The following MROH2A variants were observed in gnomAD, a reference collection of about 807,000 sequenced individuals.
MROH2A encodes the protein maestro heat-like repeat-containing protein family member 2A.
MROH2A carries 174 observed loss-of-function variants against 200.4 expected under a neutral mutation model. The ratio of observed to expected loss-of-function variants is 0.87; its 90% CI spans 0.77 to 0.98. The LOEUF (loss-of-function observed/expected upper bound fraction) is 0.98. Ranked by LOEUF, MROH2A falls within the 50% of genes least tolerant of loss-of-function variation. The pLI is 0.00. For synonymous variants in MROH2A, 829 were observed against 840.4 expected, an observed-to-expected ratio of 0.99 and a Z score of 0.23; for missense variants, 2,045 against 2,139.6, an observed-to-expected ratio of 0.96 and a Z score of 0.87.
rs1272047454 is a variant in MROH2A, at chr2:233,828,630, T to G, written c.4114T>G (p.Phe1372Val). 9 of 1,550,652 alleles carry G rather than the reference T, an allele frequency of 5.8e-6. No homozygotes were observed. Among genetic ancestry groups the G allele is most frequent in the Non-Finnish European group, 7.8e-6 (9 of 1,146,948 alleles). The stretch of plus-strand genomic sequence containing the variant: ...AACTGCCCAATGTCCTCCCTTCCAG[T>G]TCATGAGCGGCCCAGTTCTGTACCA... Reference protein sequence around the residue: ...SCRISSTAVCFMSGPVLYQEK... With the variant: ...SCRISSTAVCVMSGPVLYQEK... Residue 1372 changes from phenylalanine to valine, a missense_variant and splice_region_variant, in exon 36 of 42, where the codon TTC becomes GTC. By Grantham distance (50) the Phe-to-Val change is conservative. Around this residue, in one of 3 missense-constraint regions of MROH2A, gnomAD observed 1,201 missense variants for 1,311.3 expected, o/e 0.92. Transcript: ENST00000389758. The surrounding 1 kb of genome is among the most constrained non-coding windows in gnomAD (Gnocchi z 4.6).
intron 22 of MROH2A, among the ~76,000 whole-genome samples, chr2:233,810,188 A>G (rs967144576): frequency 6.6e-6 from 1 of 152,122 alleles, no homozygotes; most frequent in Non-Finnish European, 1.5e-5. Context: ...GGAAGGTGGC[A>G]TCTTCCGTGG....
chr2:233,795,667 C>T lies in MROH2A; in HGVS notation c.981C>T (p.Ile327=). 2 of 1,551,062 alleles carry T rather than the reference C, an allele frequency of 1.3e-6. No individual in the cohort carries two copies. Among genetic ancestry groups the T allele is most frequent in the Non-Finnish European group, 1.7e-6 (2 of 1,147,032 alleles). ...ATCCACTGCAGGTCTTGAGGCAGAT[C>T]CTGGAACTGTCAGTCACCACCAACA... ...VLFVTQVLRQ[I]LELSVTTNTP... The change falls in exon 9 of 42, where the codon ATC becomes ATT. Residue 327 remains isoleucine, a synonymous_variant. Coordinates refer to ENST00000389758, the MANE Select transcript of MROH2A (RefSeq NM_001394639.1).
chr2:233,822,016 C>T, intron 31 of MROH2A, 108 bp from the exon 32 acceptor site: 1 of 1,343,040 alleles, frequency 7.4e-7, no homozygotes. Flanking sequence ...GATTCAGTCC[C>T]CAGAGTCCAA....
intron 14 of MROH2A, among the ~76,000 whole-genome samples, chr2:233,801,636 C>CCCCAGTCGAGACCCGATGGAAAGCCGG (rs1702479248): frequency 6.6e-6 from 1 of 152,140 alleles, no homozygotes; most frequent in Admixed American, 6.5e-5. Context: ...ACTCTTAAGG[C>CCCCAGTCGAGACCCGATGGAAAGCCGG]GTTTCACCCA....
intron 21 of MROH2A, among the ~76,000 whole-genome samples, chr2:233,808,367 A>G (rs1405568294): frequency 6.6e-6 from 1 of 152,202 alleles, no homozygotes; most frequent in Non-Finnish European, 1.5e-5. Context: ...ATTTGGACCC[A>G]GACAGCCCAT....
chr2:233,829,636 G>T lies in MROH2A; in HGVS notation c.4463G>T (p.Arg1488Leu), dbSNP rs773931326. The change falls in exon 38 of 42, where the codon CGT (arginine) becomes CTT (leucine). Residue 1488 changes from arginine to leucine, a missense_variant. Physicochemically the swap from Arg to Leu is moderately radical, Grantham distance 102. Transcript: ENST00000389758. ...IFFDNESELL[R>L]LKAFILFGKL... ...TGGCCACAGGAGAGCGAGCTGCTGC[G>T]TCTGAAAGCCTTCATCCTCTTTGGA... is the stretch of plus-strand genomic sequence containing the variant. The T allele has an allele frequency of 6.9e-7, 1 of 1,440,086 alleles. No individual in the cohort carries two copies. The highest frequency in any genetic ancestry group is 9.1e-7 in the Non-Finnish European group (1 of 1,093,538). 89.2% of individuals were successfully genotyped at this position (1,440,086 alleles called of 1,614,324 possible). A position where few individuals can be genotyped will look rare whatever the true frequency, so the allele number is the denominator to read the frequency against.
In MROH2A at chr2:233,820,131, C is replaced by T; in HGVS notation, c.3512+75C>T. On this transcript the variant is annotated intron_variant, in intron 31 of 41. Coordinates refer to ENST00000389758, the MANE Select transcript of MROH2A (RefSeq NM_001394639.1). The surrounding 1 kb of genome is among the most constrained non-coding windows in gnomAD (Gnocchi z 4.1). ...GCCCAACTCACCACCCCGATGTGTC[C>T]CAGAAGCCTGGAGCCTTGGGCAGTA... 7.4e-7 allele frequency: 1 copy of T among 1,344,914 alleles called. No individual in the cohort carries two copies. Among genetic ancestry groups the T allele is most frequent in the Non-Finnish European group, 9.9e-7 (1 of 1,014,566 alleles). 83.3% of individuals were successfully genotyped at this position (1,344,914 alleles called of 1,614,324 possible).
At chr2:233,832,751 G>A in intron 41 of MROH2A, 107 bp downstream of exon 41, 1 of 534,378 alleles carries the variant, frequency 1.9e-6, no homozygotes, top group Non-Finnish European at 3.4e-6. Context: ...TTGCTGTGGG[G>A]TTTCGGGGGG....
At chr2:233,830,622 A>G (rs887063) in intron 38 of MROH2A, among the ~76,000 whole-genome samples, 13 of 64,546 alleles carry the variant, frequency 2.0e-4, no homozygotes, top group Admixed American at 5.0e-4. Context: ...GGGATGGCCC[A>G]GGTGGCCCAG....
At position 233,792,296 on chromosome 2, in the gene MROH2A, G is replaced by A. The variant is rs144949067; in HGVS notation, c.572-500G>A. ...CCCTTTTGCCTGGCTTTCTTCCTGT[G>A]TCACCTGCTTCTAGCTCACTTTTTT... is the stretch of plus-strand genomic sequence containing the variant. On this transcript the variant is annotated intron_variant, in intron 5 of 41. Transcript: ENST00000389758. 2.9e-3 allele frequency among the ~76,000 whole-genome samples: 430 copies of A among 149,322 alleles called. 3 individuals are homozygous for A. Among genetic ancestry groups the A allele is most frequent in the South Asian group, 0.012 (58 of 4,670 alleles).
rs944653038 is a variant in MROH2A at position 233,800,629 on chromosome 2, GTA to G, written c.1560+316_1560+317del. On this transcript the variant is annotated intron_variant, in intron 14 of 41. Transcript: ENST00000389758. ...ATTACTTTAAGGCCCGTGTGTGTGT[GTA>G]TGTGTGTGTGTGTGTGTGTGTGTGT... 1.7e-4 allele frequency among the ~76,000 whole-genome samples: 10 copies of G among 59,838 alleles called. No individual in the cohort carries two copies. The East Asian group carries it at 2.2e-3, about 13-fold the overall frequency. The allele number at this position is 59,838 out of a possible 152,430, so 39.3% of individuals were successfully genotyped here.
At position 233,832,257 on chromosome 2, in the gene MROH2A, A is replaced by C. The variant is rs1285051303; in HGVS notation, c.4815A>C (p.Arg1605Ser). 1 of 1,550,734 alleles carries C rather than the reference A, an allele frequency of 6.4e-7. No individual in the cohort carries two copies. The highest frequency in any genetic ancestry group is 1.4e-5 in the African/African-American group (1 of 73,058). ...TTAAAAATAACTTGTCAAGAATCAGAATCGCTGCTTGCAACTTGGCAGGTG... is the reference window on the plus strand; with the variant it reads ...TTAAAAATAACTTGTCAAGAATCAGCATCGCTGCTTGCAACTTGGCAGGTG... ...AYVKNNLSRI[R>S]IAACNLAGII... Residue 1605 changes from arginine (R) to serine (S), a missense_variant, in exon 40 of 42, where the codon AGA (arginine) becomes AGC (serine). This residue lies in a region of MROH2A where 1,201 missense variants were observed against 1,311.3 expected (regional missense o/e 0.92). Transcript: ENST00000389758.
rs954437338 is a variant in MROH2A, at chr2:233,794,734, C to T, written c.966+228C>T. On this transcript the variant is annotated intron_variant, in intron 8 of 41. Transcript: ENST00000389758. ...TGGAAGGGACCAGGTGCTGGTCCCTCGGAGGCTGCAGTGAGGCTGTGGCCT... is the reference window on the plus strand; with the variant it reads ...TGGAAGGGACCAGGTGCTGGTCCCTTGGAGGCTGCAGTGAGGCTGTGGCCT... Among the ~76,000 whole-genome samples, 20 of 152,244 alleles carry T rather than the reference C, an allele frequency of 1.3e-4. 1 individual carries two copies. The Middle Eastern group carries it at 0.01, about 78-fold the overall frequency.
At chr2:233,788,938 C>CAAAAAAAAA (rs56084976) in intron 3 of MROH2A, among the ~76,000 whole-genome samples, 1 of 47,466 alleles carries the variant, frequency 2.1e-5, no homozygotes, top group Non-Finnish European at 3.6e-5. Context: ...GACTCCGTCT[C>CAAAAAAAAA]AAAAAAAAAA....
chr2:233,783,571 A>C (rs1285129095), intron 3 of MROH2A, among the ~76,000 whole-genome samples: 1 of 152,046 alleles, frequency 6.6e-6, no homozygotes, highest in Non-Finnish European at 1.5e-5. Context: ...TGGTGACAAG[A>C]GTCTCACACT....
chr2:233,816,906 C>G lies in MROH2A; in HGVS notation c.2961+21C>G, dbSNP rs181648111. On this transcript the variant is annotated intron_variant, in intron 27 of 41. Transcript: ENST00000389758. ...TCTGTGTGAGTCCAGGAGTCCCCAG[C>G]CCCCAGCCTGCTGCTCTGACATGCA... 2.1e-6 allele frequency: 3 copies of G among 1,405,426 alleles called. No homozygotes were observed. The African/African-American group carries it at 4.3e-5, about 20-fold the overall frequency. 87.1% of individuals were successfully genotyped at this position (1,405,426 alleles called of 1,614,324 possible).
At chr2:233,806,131 G>A (rs1449175773) in intron 19 of MROH2A, among the ~76,000 whole-genome samples, 1 of 151,886 alleles carries the variant, frequency 6.6e-6, no homozygotes, top group Non-Finnish European at 1.5e-5. Flanking sequence ...AGCACATTAA[G>A]GAAGAACATG....
chr2:233,781,025 A>C (rs1165141154), intron 3 of MROH2A, among the ~76,000 whole-genome samples: 1 of 152,264 alleles, frequency 6.6e-6, no homozygotes, highest in East Asian at 1.9e-4. Context: ...CACTTGACAT[A>C]ATGTCCTCCA....
chr2:233,793,773 C>T lies in MROH2A; in HGVS notation c.771C>T (p.Phe257=). The change falls in exon 7 of 42, where the codon TTC becomes TTT. Residue 257 remains phenylalanine (F), a synonymous_variant. Coordinates refer to ENST00000389758, the MANE Select transcript of MROH2A (RefSeq NM_001394639.1). ...AGGAGGAGTTTGCCCTGAAGGTGTT[C>T]CCCATGTATCGCTACTTCGTGACAG... ...MTEEEFALKV[F]PMYRYFVTVW... The T allele has an allele frequency of 6.7e-7, 1 of 1,492,034 alleles. No homozygotes were observed. The highest frequency in any genetic ancestry group is 8.9e-7 in the Non-Finnish European group (1 of 1,118,322). 92.4% of individuals were successfully genotyped at this position (1,492,034 alleles called of 1,614,324 possible).
Sources: gnomAD v4.1 joint callset for allele counts (sites outside exome capture counted in the v4.1 genomes callset) on GRCh38, gnomAD v4.1.1 for gene constraint, gnomAD v4.1.1 regional missense constraint, Gnocchi (gnomAD v3.1) non-coding constraint, MANE v1.5 for transcripts, NCBI Gene and HGNC (gene_info 2026-07-23, HGNC 2026-07-21) for gene names.